Variants in SLCO5A1 observed in about 807,000 individuals in gnomAD.
The protein encoded by SLCO5A1 is organic anion transporter polypeptide-related protein 4.
In SLCO5A1, 39 loss-of-function variants were observed where a neutral mutation model predicts 65.1. That is an observed-to-expected ratio of 0.60 (90% CI 0.46 to 0.78). The LOEUF (loss-of-function observed/expected upper bound fraction) is 0.78, where lower values mean the gene tolerates loss of function less well. Ranked by LOEUF, SLCO5A1 falls within the 30% of genes least tolerant of loss-of-function variation. The pLI is 0.00. For missense variants in SLCO5A1, 1,029 were observed against 1,069.4 expected, an observed-to-expected ratio of 0.96 and a Z score of 0.53; for synonymous variants, 438 against 415.7, an observed-to-expected ratio of 1.05 and a Z score of -0.65.
intron 2 of SLCO5A1, among the ~76,000 whole-genome samples, chr8:69,811,373 G>A (rs1192603193): frequency 2.6e-5 from 4 of 152,158 alleles, no homozygotes; most frequent in Non-Finnish European, 4.4e-5. Context: ...TGAAAGCTTC[G>A]TCTTCTTTCT....
chr8:69,780,623 G>A (rs759818509), intron 2 of SLCO5A1, among the ~76,000 whole-genome samples: 7 of 152,178 alleles, frequency 4.6e-5, no homozygotes, highest in Non-Finnish European at 8.8e-5. Context: ...TGTAGACTGT[G>A]GAATGATAGA....
intron 5 of SLCO5A1, among the ~76,000 whole-genome samples, chr8:69,708,919 G>T (rs1406338848): frequency 6.6e-6 from 1 of 152,066 alleles, no homozygotes; most frequent in Admixed American, 6.5e-5. Context: ...AAAAAAAGAA[G>T]AAAACCAAGA....
intron 6 of SLCO5A1, 172 bp downstream of exon 6, chr8:69,704,859 G>C (rs1296255177): frequency 3.2e-6 from 2 of 624,588 alleles, no homozygotes; most frequent in Admixed American, 5.8e-5. Flanking sequence ...ACGAGACCCT[G>C]GCTTCTGCCC....
intron 2 of SLCO5A1, among the ~76,000 whole-genome samples, chr8:69,784,702 C>T (rs374428534): frequency 2.0e-5 from 3 of 150,800 alleles, no homozygotes; most frequent in African/African-American, 4.9e-5. Flanking sequence ...ACAGGAGAAT[C>T]GCTGGAAACT....
At position 69,832,207 on chromosome 8, in the gene SLCO5A1, A is replaced by G. The variant is rs777391570; in HGVS notation, c.467T>C (p.Ile156Thr). ...ACTCTTCAGACTGTAGCGCCTTTCA[A>G]TGGTGGTAATTACGCTGCTCAGGTA... ...SGYLSSVITT[I>T]ERRYSLKSSE... The change falls in exon 2 of 10, where the codon ATT (isoleucine) becomes ACT (threonine). Residue 156 changes from isoleucine (I) to threonine (T), a missense_variant. Ile to Thr is a moderately conservative substitution (Grantham distance 89). Transcript: ENST00000260126. This position sits in a 1 kb window ranked among gnomAD's most constrained non-coding sequence, Gnocchi z 4.5. 7.3e-5 allele frequency: 118 copies of G among 1,614,064 alleles called. No individual in the cohort carries two copies. Among genetic ancestry groups the G allele is most frequent in the Non-Finnish European group, 9.7e-5 (115 of 1,180,032 alleles).
Position 69,692,835 on chromosome 8 carries a change from C to T in SLCO5A1, c.1623-10492G>A, listed in dbSNP as rs1223561760. ...TCTTTCGGAATACCTCCTGAAGGACCTGCCAGAGGCTGTTTCCCAGTTGAC... is the reference window on the plus strand; with the variant it reads ...TCTTTCGGAATACCTCCTGAAGGACTTGCCAGAGGCTGTTTCCCAGTTGAC... On this transcript the variant is annotated intron_variant, in intron 6 of 9. Coordinates refer to ENST00000260126, the MANE Select transcript of SLCO5A1 (RefSeq NM_030958.3). Among the ~76,000 whole-genome samples the T allele has an allele frequency of 2.0e-5, 3 of 152,174 alleles. No homozygotes were observed. The East Asian group carries it at 5.8e-4, about 29-fold the overall frequency.
At chr8:69,714,790 G>A (rs145558416) in intron 5 of SLCO5A1, 1 of 152,166 alleles carries the variant, frequency 6.6e-6, no homozygotes, top group East Asian at 1.9e-4. Flanking sequence ...ACTCCTCTTA[G>A]GCCAGACGGA....
At chr8:69,763,875 A>AC (rs1788127143) in intron 2 of SLCO5A1, among the ~76,000 whole-genome samples, 2 of 151,656 alleles carry the variant, frequency 1.3e-5, no homozygotes, top group South Asian at 4.2e-4. Flanking sequence ...ATCAATAAAC[A>AC]CTTTTTTTTT....
At chr8:69,809,041 T>TTGCA (rs1820122193) in intron 2 of SLCO5A1, among the ~76,000 whole-genome samples, 1 of 152,022 alleles carries the variant, frequency 6.6e-6, no homozygotes, top group South Asian at 2.1e-4. Flanking sequence ...GAGGAAGAGG[T>TTGCA]TGCAGTAAGC....
intron 2 of SLCO5A1, among the ~76,000 whole-genome samples, chr8:69,819,344 C>T (rs1440659662): frequency 6.6e-6 from 1 of 151,902 alleles, no homozygotes; most frequent in Non-Finnish European, 1.5e-5. Flanking sequence ...CCACCCCCTA[C>T]TCCACATGGG....
intron 2 of SLCO5A1, among the ~76,000 whole-genome samples, chr8:69,792,900 T>A (rs1181043637): frequency 2.0e-5 from 3 of 152,284 alleles, no homozygotes; most frequent in African/African-American, 7.2e-5. Flanking sequence ...AAAATCATAG[T>A]AAATATACTG....
rs1427352196 is a variant in SLCO5A1, at chr8:69,735,907, G to GC, written c.1423+2132dup. On this transcript the variant is annotated intron_variant, in intron 5 of 9. Transcript: ENST00000260126. ...GTTTAATCTTACTGCAATTTGACAG[G>GC]CCCCCCTCTACTCTTAATCAATCTT... Among the ~76,000 whole-genome samples, 28 of 152,132 alleles carry GC rather than the reference G, an allele frequency of 1.8e-4. No individual in the cohort carries two copies. In the East Asian group the frequency reaches 3.3e-3, roughly 18 times the overall value.
At chr8:69,771,045 TGCTACCTTG>T (rs1179784406) in intron 2 of SLCO5A1, among the ~76,000 whole-genome samples, 2 of 152,110 alleles carry the variant, frequency 1.3e-5, no homozygotes, top group Admixed American at 1.3e-4. Context: ...AGTGCAGTGG[TGCTACCTTG>T]GCTCACTGCA....
In SLCO5A1 at chr8:69,834,974, T is replaced by C. The variant is rs1187854972; in HGVS notation, c.-617A>G. 1 of 152,520 alleles carries C rather than the reference T, an allele frequency of 6.6e-6. No individual in the cohort carries two copies. The highest frequency in any genetic ancestry group is 1.5e-5 in the Non-Finnish European group (1 of 68,324). 9.4% of individuals were successfully genotyped at this position (152,520 alleles called of 1,614,324 possible). On this transcript the variant is annotated 5_prime_UTR_variant, in exon 1 of 10. Coordinates refer to ENST00000260126, the MANE Select transcript of SLCO5A1 (RefSeq NM_030958.3). The stretch of plus-strand genomic sequence containing the variant: ...CTCCGTCCAGCCGAAGAGAAATCAG[T>C]GAATGAGACTGTGACTCAGGCTGAA...
At chr8:69,674,563 A>G (rs957809925) in intron 9 of SLCO5A1, among the ~76,000 whole-genome samples, 7 of 152,198 alleles carry the variant, frequency 4.6e-5, no homozygotes, top group African/African-American at 1.7e-4. Flanking sequence ...CACAATCCAT[A>G]GAAGTTAAAA....
intron 6 of SLCO5A1, among the ~76,000 whole-genome samples, chr8:69,688,486 C>T (rs1156879636): frequency 1.3e-5 from 2 of 151,946 alleles, no homozygotes; most frequent in South Asian, 2.1e-4. Context: ...TCCCTCCCCG[C>T]TCCCCCCACC....
At chr8:69,834,629 A>C (rs916414158) in intron 1 of SLCO5A1, among the ~76,000 whole-genome samples, 1 of 152,128 alleles carries the variant, frequency 6.6e-6, no homozygotes, top group Admixed American at 6.5e-5. Context: ...GCGCCCTCAC[A>C]GCATCGCAGA....
At chr8:69,780,694 C>A (rs1818755946) in intron 2 of SLCO5A1, among the ~76,000 whole-genome samples, 1 of 152,036 alleles carries the variant, frequency 6.6e-6, no homozygotes, top group South Asian at 2.1e-4. Flanking sequence ...TTAATGGGTA[C>A]AATGTATGGT....
At chr8:69,824,304 C>A (rs950462022) in intron 2 of SLCO5A1, among the ~76,000 whole-genome samples, 3 of 152,066 alleles carry the variant, frequency 2.0e-5, no homozygotes, top group Middle Eastern at 3.4e-3. Flanking sequence ...AATAGAGACA[C>A]AAAAAACCCT....
Sources: allele counts gnomAD v4.1 joint callset (sites outside exome capture counted in the v4.1 genomes callset), GRCh38; gene constraint gnomAD v4.1.1; non-coding constraint Gnocchi (gnomAD v3.1); transcripts MANE v1.5; gene names NCBI Gene and HGNC (gene_info 2026-07-23, HGNC 2026-07-21).